Variants in ADARB2 observed in about 807,000 individuals in gnomAD.
ADARB2 encodes the protein inactive double-stranded RNA-specific editase B2.
ADARB2 carries 25 observed loss-of-function variants against 62.2 expected under a neutral mutation model. The observed-to-expected ratio is 0.40, with a 90% confidence interval of 0.29 to 0.56. The LOEUF is 0.56. ADARB2 is among the 20% of genes least tolerant of loss of function. The pLI is 0.43. For synonymous variants in ADARB2, 572 were observed against 500.8 expected (o/e 1.14, Z -1.90); for missense variants, 1,071 against 1,077.4 (o/e 0.99, Z 0.08).
chr10:1,294,192 G>A (rs559813369), intron 3 of ADARB2, among the ~76,000 whole-genome samples: 2 of 152,284 alleles, frequency 1.3e-5, no homozygotes, highest in South Asian at 2.1e-4. Context: ...AGTGACTGCC[G>A]ATAGAATCAG....
intron 1 of ADARB2, among the ~76,000 whole-genome samples, chr10:1,566,884 CAG>C (rs1446740432): frequency 6.6e-6 from 1 of 151,890 alleles, no homozygotes; most frequent in African/African-American, 2.4e-5. Context: ...TTTTTATGAA[CAG>C]AAAATAATGT....
intron 1 of ADARB2, among the ~76,000 whole-genome samples, chr10:1,688,343 C>T (rs927572639): frequency 1.3e-5 from 2 of 152,220 alleles, no homozygotes; most frequent in East Asian, 1.9e-4. Context: ...GGGACATCCT[C>T]GTTGCTGCCC....
chr10:1,619,289 TAAAAAA>T (rs59098282), intron 1 of ADARB2, among the ~76,000 whole-genome samples: 4 of 115,792 alleles, frequency 3.5e-5, no homozygotes, highest in South Asian at 2.6e-4. Flanking sequence ...ACATTGAAAG[TAAAAAA>T]AAAAAAAAAA....
intron 1 of ADARB2, among the ~76,000 whole-genome samples, chr10:1,438,521 C>T: frequency 7.2e-6 from 1 of 138,846 alleles, no homozygotes; most frequent in Non-Finnish European, 1.5e-5. Context: ...GCAGGTCCTT[C>T]ATGATGGGGC....
intron 1 of ADARB2, among the ~76,000 whole-genome samples, chr10:1,663,573 A>ATGT (rs1280579784): frequency 1.3e-5 from 2 of 152,106 alleles, no homozygotes; most frequent in Non-Finnish European, 2.9e-5. Context: ...TCACTTAATA[A>ATGT]TGTGCATTTA....
chr10:1,698,655 G>A (rs556347553), intron 1 of ADARB2, among the ~76,000 whole-genome samples: 2 of 152,300 alleles, frequency 1.3e-5, no homozygotes, highest in African/African-American at 4.8e-5. Context: ...TGTGTGTTGT[G>A]TAAAAGGGTA....
In ADARB2 at chr10:1,217,137, G is replaced by A. The variant is rs754086247; in HGVS notation, c.1514-18C>T. On this transcript the variant is annotated intron_variant, in intron 6 of 9. Coordinates refer to ENST00000381312, the MANE Select transcript of ADARB2 (RefSeq NM_018702.4). ...GCTGTGCACTAGGAGATAAAAGGGC[G>A]GGGAGGGGTGAGAAGAGGGAAGCCG... 3.2e-6 allele frequency: 5 copies of A among 1,550,740 alleles called. No homozygotes were observed. The highest frequency in any genetic ancestry group is 1.7e-4 in the Middle Eastern group (1 of 5,896).
chr10:1,439,158 A>G (rs1588258338), intron 1 of ADARB2, among the ~76,000 whole-genome samples: 1 of 136,958 alleles, frequency 7.3e-6, no homozygotes, highest in African/African-American at 2.8e-5. Context: ...CAGGCCCTTC[A>G]CGATGGGGCT....
chr10:1,528,329 C>T (rs1320865981), intron 1 of ADARB2, among the ~76,000 whole-genome samples: 1 of 152,166 alleles, frequency 6.6e-6, no homozygotes, highest in African/African-American at 2.4e-5. Context: ...TTTCAAGCTG[C>T]GTTGGTATCG....
At chr10:1,299,496 C>A (rs4471349) in intron 3 of ADARB2, among the ~76,000 whole-genome samples, 66,814 of 152,004 alleles carry the variant, frequency 0.44, 16,300 homozygotes, top group East Asian at 0.69. Flanking sequence ...TGTGCAGCCC[C>A]GTATGTCATC....
At chr10:1,505,156 G>A (rs2813436) in intron 1 of ADARB2, among the ~76,000 whole-genome samples, 25,082 of 150,930 alleles carry the variant, frequency 0.17, 2,337 homozygotes, top group Middle Eastern at 0.23. Context: ...ACTGATACAC[G>A]CAAAACACAC....
At chr10:1,646,220 T>G (rs1234975204) in intron 1 of ADARB2, among the ~76,000 whole-genome samples, 6 of 152,222 alleles carry the variant, frequency 3.9e-5, no homozygotes, top group Non-Finnish European at 7.3e-5. Flanking sequence ...CGATGTGTCC[T>G]GGGGTCCAGC....
intron 1 of ADARB2, among the ~76,000 whole-genome samples, chr10:1,401,668 C>T (rs974439800): frequency 3.3e-5 from 5 of 152,184 alleles, no homozygotes; most frequent in African/African-American, 1.2e-4. Context: ...TACCGAAGAG[C>T]GGCGGCTTCA....
chr10:1,687,957 T>G (rs1185080468), intron 1 of ADARB2, among the ~76,000 whole-genome samples: 1 of 152,242 alleles, frequency 6.6e-6, no homozygotes, highest in African/African-American at 2.4e-5. Flanking sequence ...TGCCGTTGGA[T>G]TCACAGCCTA....
chr10:1,228,727 G>T (rs942201606), intron 6 of ADARB2, among the ~76,000 whole-genome samples: 1 of 152,132 alleles, frequency 6.6e-6, no homozygotes, highest in Non-Finnish European at 1.5e-5. Context: ...CTTTCCCCTC[G>T]GTCGCATGCG....
chr10:1,215,238 TCCCATGCAGGCACTGCCTGC>T (rs955880224), intron 7 of ADARB2, among the ~76,000 whole-genome samples: 11 of 152,238 alleles, frequency 7.2e-5, no homozygotes, highest in East Asian at 3.8e-4. Flanking sequence ...CAGGTGCCTG[TCCCATGCAGGCACTGCCTGC>T]CCCATGGGCA....
Position 1,363,169 on chromosome 10 carries a change from C to T in ADARB2, c.936G>A (p.Val312=), listed in dbSNP as rs1244479175. 6.5e-7 allele frequency: 1 copy of T among 1,537,792 alleles called. No homozygotes were observed. Among genetic ancestry groups the T allele is most frequent in the Non-Finnish European group, 8.7e-7 (1 of 1,150,802 alleles). ...CCGAGCCCTCGAACGTCCTGCCGTC[C>T]ACGCTCACGGCCATCACGAAGCTCC... ...RARSFVMAVS[V]DGRTFEGSGR... The change falls in exon 3 of 10, where the codon GTG becomes GTA. Residue 312 remains valine (V), a synonymous_variant. Transcript: ENST00000381312.
chr10:1,305,793 G>T (rs1386379408), intron 3 of ADARB2, among the ~76,000 whole-genome samples: 2 of 152,166 alleles, frequency 1.3e-5, no homozygotes, highest in Admixed American at 1.3e-4. Flanking sequence ...CAGAGCCAAA[G>T]ACAAACACCA....
intron 1 of ADARB2, among the ~76,000 whole-genome samples, chr10:1,686,686 T>C (rs1398451729): frequency 6.6e-6 from 1 of 151,744 alleles, no homozygotes; most frequent in Non-Finnish European, 1.5e-5. Flanking sequence ...GCTAATTAAG[T>C]TGTAGACACT....
Sources: allele counts gnomAD v4.1 joint callset (sites outside exome capture counted in the v4.1 genomes callset), GRCh38; gene constraint gnomAD v4.1.1; transcripts MANE v1.5; gene names NCBI Gene and HGNC (gene_info 2026-07-23, HGNC 2026-07-21).